Variants in SLC15A2 observed in about 807,000 individuals in gnomAD.
SLC15A2 encodes kidney H(+)/peptide cotransporter.
A neutral mutation model predicts 95.5 loss-of-function variants in SLC15A2; 77 were observed. The ratio of observed to expected loss-of-function variants is 0.81; its 90% CI spans 0.67 to 0.97. The LOEUF is 0.97. Among genes scored for constraint, SLC15A2 ranks in the 50% least tolerant of loss-of-function variants. SLC15A2 has a pLI of 0.00. For missense variants in SLC15A2, 893 were observed against 874.4 expected, an observed-to-expected ratio of 1.02 and a Z score of -0.27; for synonymous variants, 306 against 306.9, an observed-to-expected ratio of 1.00 and a Z score of 0.03.
chr3:121,908,723 C>T (rs1203591182), intron 3 of SLC15A2, among the ~76,000 whole-genome samples: 1 of 152,198 alleles, frequency 6.6e-6, no homozygotes, highest in Non-Finnish European at 1.5e-5. Flanking sequence ...TTAAAAATGG[C>T]TCTGGCTTTT....
At chr3:121,917,196 G>C (rs1379512064) in intron 7 of SLC15A2, among the ~76,000 whole-genome samples, 2 of 152,138 alleles carry the variant, frequency 1.3e-5, no homozygotes, top group African/African-American at 4.8e-5. Context: ...TTATGTGCTA[G>C]GTATTGGGAT....
Position 121,896,437 on chromosome 3 carries a change from T to A in SLC15A2, c.137T>A (p.Ile46Asn). 6.2e-7 allele frequency: 1 copy of A among 1,614,190 alleles called. No homozygotes were observed. The highest frequency in any genetic ancestry group is 8.5e-7 in the Non-Finnish European group (1 of 1,180,008). Residue 46 changes from isoleucine to asparagine, a missense_variant, in exon 2 of 22, where the codon ATT (isoleucine) becomes AAT (asparagine). By Grantham distance (149) the Ile-to-Asn change is moderately radical (BLOSUM62 -3). Coordinates refer to ENST00000489711, the MANE Select transcript of SLC15A2 (RefSeq NM_021082.4). ...TICGSNYPLS[I>N]AFIVVNEFCE... ...TGTGGCTCCAACTATCCACTGAGCA[T>A]TGCCTTCATTGTGGTGAATGAATTC...
At chr3:121,924,480 C>G in intron 12 of SLC15A2, 97 bp downstream of exon 12, 1 of 1,126,628 alleles carries the variant, frequency 8.9e-7, no homozygotes, top group Non-Finnish European at 1.3e-6. Context: ...TGATGCTTTT[C>G]TCCTTGTACG....
At chr3:121,916,921 C>T (rs537188120) in intron 7 of SLC15A2, among the ~76,000 whole-genome samples, 23 of 152,092 alleles carry the variant, frequency 1.5e-4, no homozygotes, top group African/African-American at 4.3e-4. Flanking sequence ...CCCGGGTTCA[C>T]GCCATTCTCC....
chr3:121,935,533 C>T (rs1445391833), intron 19 of SLC15A2, among the ~76,000 whole-genome samples: 3,773 of 151,640 alleles, frequency 0.025, 141 homozygotes, highest in African/African-American at 0.087. Flanking sequence ...TTCTTCTAGA[C>T]TTTCTAGTTT....
In SLC15A2 at chr3:121,905,687, A is replaced by G. The variant is rs557071524; in HGVS notation, c.336-5887A>G. On this transcript the variant is annotated intron_variant, in intron 3 of 21. Coordinates refer to ENST00000489711, the MANE Select transcript of SLC15A2 (RefSeq NM_021082.4). ...GTGAGTTTCTTAATCCTGAGTTCTA[A>G]TTTGATTGCACTGTGTTCTGAGAGA... 2.9e-3 allele frequency among the ~76,000 whole-genome samples: 438 copies of G among 152,204 alleles called. 2 individuals carry two copies. The highest frequency in any genetic ancestry group is 1.0e-2 in the African/African-American group (415 of 41,522).
chr3:121,927,684 A>G (rs1174120773), intron 13 of SLC15A2, 74 bp from the exon 14 acceptor site: 21 of 1,085,772 alleles, frequency 1.9e-5, no homozygotes, highest in Non-Finnish European at 3.0e-5. Context: ...GTCTTTAATA[A>G]TAGGCTACAG....
chr3:121,930,379 T>C (rs1309916222), intron 17 of SLC15A2, among the ~76,000 whole-genome samples: 1 of 152,222 alleles, frequency 6.6e-6, no homozygotes, highest in African/African-American at 2.4e-5. Flanking sequence ...ATAGGTCACA[T>C]TGGACTTCAT....
chr3:121,896,455 A>G lies in SLC15A2; in HGVS notation c.155A>G (p.Asn52Ser), dbSNP rs1340651380. The change falls in exon 2 of 22, where the codon AAT becomes AGT. Residue 52 changes from asparagine to serine, a missense_variant. Physicochemically the swap from Asn to Ser is conservative, Grantham distance 46 (BLOSUM62 1). Coordinates refer to ENST00000489711, the MANE Select transcript of SLC15A2 (RefSeq NM_021082.4). ...YPLSIAFIVV[N>S]EFCERFSYYG... ...CTGAGCATTGCCTTCATTGTGGTGA[A>G]TGAATTCTGCGAGCGCTTTTCCTAT... 1 of 1,614,124 alleles carries G rather than the reference A, an allele frequency of 6.2e-7. No individual in the cohort carries two copies.
intron 19 of SLC15A2, among the ~76,000 whole-genome samples, chr3:121,938,235 C>A (rs576245498): frequency 1.3e-5 from 2 of 152,286 alleles, no homozygotes; most frequent in East Asian, 3.9e-4. Flanking sequence ...TGTGCCCTGC[C>A]CCCAGAGGTG....
chr3:121,918,107 GTGA>G lies in SLC15A2; in HGVS notation c.697+2415_697+2417del, dbSNP rs544902744. ...AATGTAGAGAAAGGATTGTGTTGGA[GTGA>G]GGCAAAGATAATATTTATTTTGATT... is the stretch of plus-strand genomic sequence containing the variant. On this transcript the variant is annotated intron_variant, in intron 7 of 21. Transcript: ENST00000489711. Among the ~76,000 whole-genome samples the G allele has an allele frequency of 4.7e-3, 710 of 152,300 alleles. 3 individuals carry two copies. The highest frequency in any genetic ancestry group is 0.017 in the Middle Eastern group (5 of 294).
At chr3:121,898,922 C>T (rs1709471877) in intron 3 of SLC15A2, among the ~76,000 whole-genome samples, 1 of 152,108 alleles carries the variant, frequency 6.6e-6, no homozygotes, top group African/African-American at 2.4e-5. Flanking sequence ...CAGTACTGAA[C>T]AGTTTCTTGA....
chr3:121,927,516 A>C (rs911083477), intron 13 of SLC15A2: 1 of 444,546 alleles, frequency 2.2e-6, no homozygotes. Flanking sequence ...GGCTTCTCCC[A>C]TGATTGAAAG....
chr3:121,931,240 C>T (rs1710227733), intron 18 of SLC15A2, among the ~76,000 whole-genome samples: 1 of 152,174 alleles, frequency 6.6e-6, no homozygotes, highest in Non-Finnish European at 1.5e-5. Flanking sequence ...TATTGGTTTC[C>T]ATTTCTACTA....
chr3:121,928,297 A>G (rs1710161658), intron 14 of SLC15A2, 124 bp from the exon 15 acceptor site: 3 of 1,211,340 alleles, frequency 2.5e-6, no homozygotes, highest in Non-Finnish European at 2.3e-6. Context: ...AATATTTTTC[A>G]GAGGGAGAAA....
Position 121,922,873 on chromosome 3 carries a change from A to G in SLC15A2, c.867+12A>G, listed in dbSNP as rs1710035154. On this transcript the variant is annotated intron_variant, in intron 9 of 21. Transcript: ENST00000489711. The stretch of plus-strand genomic sequence containing the variant: ...CTGAGAAATATCCAGTAAGTTGGAA[A>G]TGCAGAAACATCTTATGGCTTGATA... The G allele has an allele frequency of 6.2e-7, 1 of 1,607,112 alleles. No individual in the cohort carries two copies. The highest frequency in any genetic ancestry group is 1.3e-5 in the African/African-American group (1 of 74,790).
chr3:121,940,874 G>T lies in SLC15A2; in HGVS notation c.2057G>T (p.Cys686Phe), dbSNP rs1183699918. 6.2e-7 allele frequency: 1 copy of T among 1,613,884 alleles called. No homozygotes were observed. Among genetic ancestry groups the T allele is most frequent in the East Asian group, 2.2e-5 (1 of 44,880 alleles). Residue 686 changes from cysteine (C) to phenylalanine (F), a missense_variant, in exon 22 of 22, where the codon TGC (cysteine) becomes TTC (phenylalanine). By Grantham distance (205) the Cys-to-Phe change is radical (BLOSUM62 -2). Coordinates refer to ENST00000489711, the MANE Select transcript of SLC15A2 (RefSeq NM_021082.4). ...ILFSCLLLVI[C>F]LIFSIMGYYY... ...TTTTCCTGCCTCCTGCTGGTGATCT[G>T]CCTGATCTTCTCCATCATGGGCTAC...
chr3:121,919,803 G>C (rs1433059994), intron 7 of SLC15A2, among the ~76,000 whole-genome samples: 1 of 152,234 alleles, frequency 6.6e-6, no homozygotes, highest in African/African-American at 2.4e-5. Flanking sequence ...TATTGAGCAT[G>C]TGTGAATATT....
At chr3:121,927,019 G>A (rs1034444318) in intron 13 of SLC15A2, among the ~76,000 whole-genome samples, 1 of 152,242 alleles carries the variant, frequency 6.6e-6, no homozygotes, top group Non-Finnish European at 1.5e-5. Context: ...TTTGGAATGG[G>A]AATGTTTACC....
Sources: allele counts gnomAD v4.1 joint callset (sites outside exome capture counted in the v4.1 genomes callset), GRCh38; gene constraint gnomAD v4.1.1; transcripts MANE v1.5; gene names NCBI Gene and HGNC (gene_info 2026-07-23, HGNC 2026-07-21).